GPATCH8: variants seen among roughly 807,000 people sequenced by gnomAD.
The protein encoded by GPATCH8 is G-patch domain containing 8.
In GPATCH8, 18 loss-of-function variants were observed where a neutral mutation model predicts 118.3. The observed-to-expected ratio is 0.15, with a 90% CI of 0.11 to 0.23. GPATCH8 has a LOEUF of 0.23. Among genes scored for constraint, GPATCH8 ranks in the 10% least tolerant of loss-of-function variants. The pLI, the probability that GPATCH8 is intolerant of heterozygous loss-of-function variation, is 1.00. For missense variants in GPATCH8, 1,631 were observed against 1,873.8 expected, an observed-to-expected ratio of 0.87 and a Z score of 2.39; for synonymous variants, 659 against 684.7, an observed-to-expected ratio of 0.96 and a Z score of 0.59.
chr17:44,429,980 C>T (rs1598469139), intron 5 of GPATCH8, among the ~76,000 whole-genome samples: 1 of 152,198 alleles, frequency 6.6e-6, no homozygotes, highest in African/African-American at 2.4e-5. Context: ...TGTGAGCCAT[C>T]GTGCCACTGC....
chr17:44,470,221 TTTTG>T (rs768156885), intron 2 of GPATCH8, among the ~76,000 whole-genome samples: 15 of 152,186 alleles, frequency 9.9e-5, no homozygotes, highest in East Asian at 3.9e-4. Context: ...CCTCATCTTT[TTTTG>T]TTTGTTTGTT....
chr17:44,501,349 A>G (rs1340810307), intron 1 of GPATCH8, among the ~76,000 whole-genome samples: 2 of 151,892 alleles, frequency 1.3e-5, no homozygotes, highest in Non-Finnish European at 2.9e-5. Flanking sequence ...CCCGGGAGGC[A>G]GAGGTTGCAG....
At position 44,399,551 on chromosome 17, in the gene GPATCH8, CTCT is replaced by C. The variant is rs540755668; in HGVS notation, c.2523_2525del (p.Glu843del). On this transcript the variant is annotated inframe_deletion, in exon 8 of 8. Transcript: ENST00000591680. ...GGGAATGCTCACTGCCTGAATCTTC[CTCT>C]TCTTCTTCCTCACTGTACTGGGATG... 825 of 1,614,184 alleles carry C rather than the reference CTCT, an allele frequency of 5.1e-4. 2 individuals carry two copies. The African/African-American group carries it at 9.9e-3, about 19-fold the overall frequency.
chr17:44,439,317 C>G (rs973020720), intron 3 of GPATCH8, among the ~76,000 whole-genome samples: 2 of 152,166 alleles, frequency 1.3e-5, no homozygotes, highest in Non-Finnish European at 2.9e-5. Flanking sequence ...AACTTTGCTT[C>G]CTGTTAACCG....
chr17:44,462,629 A>G (rs2051598372), intron 3 of GPATCH8, among the ~76,000 whole-genome samples: 1 of 152,228 alleles, frequency 6.6e-6, no homozygotes, highest in Non-Finnish European at 1.5e-5. Flanking sequence ...AGCATCTCCC[A>G]TGTGTCACCA....
intron 5 of GPATCH8, among the ~76,000 whole-genome samples, chr17:44,428,364 G>C (rs2050165385): frequency 6.6e-6 from 1 of 151,790 alleles, no homozygotes; most frequent in Admixed American, 6.6e-5. Context: ...GTGGTGGTGG[G>C]CGCCTGTAAT....
At chr17:44,485,373 A>G (rs1302262734) in intron 1 of GPATCH8, among the ~76,000 whole-genome samples, 1 of 152,082 alleles carries the variant, frequency 6.6e-6, no homozygotes, top group Non-Finnish European at 1.5e-5. Flanking sequence ...TTCGGCCTCC[A>G]AAAGTGCTAG....
rs2143552021 is a variant in GPATCH8 at position 44,396,688 on chromosome 17, T to C, written c.*880A>G. On this transcript the variant is annotated 3_prime_UTR_variant, in exon 8 of 8. Coordinates refer to ENST00000591680, the MANE Select transcript of GPATCH8 (RefSeq NM_001002909.4). ...AAAGAGCTGGATGTAAAAAATATTA[T>C]TGCAGTATACTACAAATATGGAACC... 2.2e-6 allele frequency: 1 copy of C among 445,714 alleles called. No individual in the cohort carries two copies. Among genetic ancestry groups the C allele is most frequent in the Admixed American group, 2.5e-5 (1 of 40,264 alleles). 27.6% of individuals were successfully genotyped at this position (445,714 alleles called of 1,614,324 possible).
chr17:44,446,345 T>C (rs1257694581), intron 3 of GPATCH8, among the ~76,000 whole-genome samples: 1 of 152,036 alleles, frequency 6.6e-6, no homozygotes, highest in African/African-American at 2.4e-5. Context: ...GGCGGGCAGA[T>C]CACGAGGTCA....
At chr17:44,419,658 AAT>A (rs1567962668) in intron 6 of GPATCH8, among the ~76,000 whole-genome samples, 4 of 145,018 alleles carry the variant, frequency 2.8e-5, no homozygotes, top group East Asian at 2.0e-4. Context: ...ACATCAGGGT[AAT>A]TTTTTTTTTT....
At chr17:44,446,669 C>T (rs760613796) in intron 3 of GPATCH8, among the ~76,000 whole-genome samples, 1 of 152,158 alleles carries the variant, frequency 6.6e-6, no homozygotes, top group African/African-American at 2.4e-5. Context: ...ATTATGTAGA[C>T]AGCAGCCAGT....
intron 3 of GPATCH8, among the ~76,000 whole-genome samples, chr17:44,448,456 C>T (rs984399327): frequency 1.7e-5 from 2 of 120,572 alleles, no homozygotes; most frequent in African/African-American, 6.7e-5. Context: ...GCTACAGCTA[C>T]ACAGGATGCT....
At chr17:44,484,471 T>C (rs576128373) in intron 1 of GPATCH8, among the ~76,000 whole-genome samples, 1 of 152,320 alleles carries the variant, frequency 6.6e-6, no homozygotes, top group East Asian at 1.9e-4. Flanking sequence ...GTCACACTTT[T>C]GCTGCTGAAA....
At chr17:44,431,630 G>A (rs2050319140) in intron 5 of GPATCH8, among the ~76,000 whole-genome samples, 1 of 151,764 alleles carries the variant, frequency 6.6e-6, no homozygotes. Flanking sequence ...AGAGCTATTT[G>A]GCTCTAAGAC....
Position 44,398,812 on chromosome 17 carries a change from T to C in GPATCH8, c.3265A>G (p.Thr1089Ala), listed in dbSNP as rs1355699305. ...ATCTTCTCCAGTAGCAGTTTGGCAGTGACAGAGTTCTTGTCTTCAGGACTG... is the reference window on the plus strand; with the variant it reads ...ATCTTCTCCAGTAGCAGTTTGGCAGCGACAGAGTTCTTGTCTTCAGGACTG... Reference protein sequence around the residue: ...DCSPEDKNSVTAKLLLEKIQS... With the variant: ...DCSPEDKNSVAAKLLLEKIQS... The change falls in exon 8 of 8, where the codon ACT becomes GCT. Residue 1089 changes from threonine to alanine, a missense_variant. Physicochemically the swap from Thr to Ala is moderately conservative, Grantham distance 58. This residue lies in a region of GPATCH8 where 922 missense variants were observed against 879.7 expected (regional missense o/e 1.05). Coordinates refer to ENST00000591680, the MANE Select transcript of GPATCH8 (RefSeq NM_001002909.4). The C allele has an allele frequency of 3.1e-6, 5 of 1,614,076 alleles. No homozygotes were observed. Among genetic ancestry groups the C allele is most frequent in the Admixed American group, 1.7e-5 (1 of 60,030 alleles).
chr17:44,474,290 G>T (rs1598592067), intron 2 of GPATCH8: 2 of 168,244 alleles, frequency 1.2e-5, no homozygotes, highest in Admixed American at 6.0e-5. Context: ...TAAGCAGTGT[G>T]AAAAGATAGA....
chr17:44,401,647 T>C (rs1187459397), intron 7 of GPATCH8, among the ~76,000 whole-genome samples, 194 bp from the exon 8 acceptor site: 1 of 152,162 alleles, frequency 6.6e-6, no homozygotes, highest in Non-Finnish European at 1.5e-5. Context: ...CAAAGACTCA[T>C]TCTGTTAACC....
At chr17:44,502,664 G>A (rs1041724032) in intron 1 of GPATCH8, among the ~76,000 whole-genome samples, 3 of 152,152 alleles carry the variant, frequency 2.0e-5, no homozygotes, top group Non-Finnish European at 4.4e-5. Flanking sequence ...TTTCGAGATA[G>A]GATTTGAGGT....
At position 44,396,627 on chromosome 17, in the gene GPATCH8, CAT is replaced by C; in HGVS notation, c.*939_*940del. The C allele has an allele frequency of 2.2e-6, 1 of 445,524 alleles. No homozygotes were observed. Among genetic ancestry groups the C allele is most frequent in the South Asian group, 1.6e-5 (1 of 61,556 alleles). The allele number at this position is 445,524 out of a possible 1,614,324, so 27.6% of individuals were successfully genotyped here. A position where few individuals can be genotyped will look rare whatever the true frequency, so the allele number is the denominator to read the frequency against. The stretch of plus-strand genomic sequence containing the variant: ...AGTTTCTTAATTCAACTAGGGCAAA[CAT>C]ATTTACACAAAGCCACCAGAACGAG... On this transcript the variant is annotated 3_prime_UTR_variant, in exon 8 of 8. Transcript: ENST00000591680.
Sources: allele counts gnomAD v4.1 joint callset (sites outside exome capture counted in the v4.1 genomes callset), GRCh38; gene constraint gnomAD v4.1.1; regional missense constraint gnomAD v4.1.1; transcripts MANE v1.5; gene names NCBI Gene and HGNC (gene_info 2026-07-23, HGNC 2026-07-21).